Variants in SEMA5A observed in about 807,000 individuals in gnomAD.
The protein encoded by SEMA5A is semaphorin 5A, also known as semaphorin-5A.
A neutral mutation model predicts 135.5 loss-of-function variants in SEMA5A; 55 were observed. The observed-to-expected ratio is 0.41, with a 90% CI of 0.33 to 0.51. SEMA5A has a LOEUF of 0.51. Among genes scored for constraint, SEMA5A ranks in the 20% least tolerant of loss-of-function variants. The pLI is 0.37. For missense variants in SEMA5A, 1,290 were observed against 1,419.9 expected, an observed-to-expected ratio of 0.91 and a Z score of 1.47; for synonymous variants, 580 against 546.5, an observed-to-expected ratio of 1.06 and a Z score of -0.85.
intron 16 of SEMA5A, among the ~76,000 whole-genome samples, chr5:9,076,241 A>G (rs1296422809): frequency 1.3e-5 from 2 of 151,504 alleles, no homozygotes; most frequent in African/African-American, 4.9e-5. Flanking sequence ...TCTTGAAATC[A>G]TGTCATTTGC....
intron 3 of SEMA5A, among the ~76,000 whole-genome samples, chr5:9,354,369 T>C (rs1323773921): frequency 6.6e-6 from 1 of 152,232 alleles, no homozygotes; most frequent in Non-Finnish European, 1.5e-5. Flanking sequence ...GTCTCATTTC[T>C]AATCTTGTTT....
In SEMA5A at chr5:9,441,412, C is replaced by A. The variant is rs189625434; in HGVS notation, c.-174-3560G>T. 2.3e-3 allele frequency among the ~76,000 whole-genome samples: 356 copies of A among 152,132 alleles called. 1 individual carries two copies. The highest frequency in any genetic ancestry group is 7.9e-3 in the African/African-American group (329 of 41,508). On this transcript the variant is annotated intron_variant, in intron 1 of 22. Coordinates refer to ENST00000382496, the MANE Select transcript of SEMA5A (RefSeq NM_003966.3). ...AGATGAGGGAGGAACAGCTGAAAGT[C>A]ATCAGGTATAAGAGAAGAGCCATTT...
chr5:9,355,918 A>G (rs1754422258), intron 3 of SEMA5A, among the ~76,000 whole-genome samples: 1 of 152,206 alleles, frequency 6.6e-6, no homozygotes, highest in African/African-American at 2.4e-5. Flanking sequence ...CAACCTCTAT[A>G]GTTCACTGTA....
Position 9,160,971 on chromosome 5 carries a change from C to G in SEMA5A, c.1274-6276G>C, listed in dbSNP as rs1174703918. ...TGAAAAGGACAAAAAGAAATTACCCCCAAAGAATTCCAGCCACAAGAAATG... is the reference window on the plus strand; with the variant it reads ...TGAAAAGGACAAAAAGAAATTACCCGCAAAGAATTCCAGCCACAAGAAATG... On this transcript the variant is annotated intron_variant, in intron 11 of 22. Transcript: ENST00000382496. Among the ~76,000 whole-genome samples the G allele has an allele frequency of 5.3e-5, 8 of 152,228 alleles. No individual in the cohort carries two copies. The East Asian group carries it at 1.5e-3, about 29-fold the overall frequency.
At chr5:9,045,672 T>C (rs546439683) in intron 21 of SEMA5A, 129 of 152,302 alleles carry the variant, frequency 8.5e-4, no homozygotes, top group Middle Eastern at 3.4e-3. Context: ...AGAAAATGGT[T>C]TACTAAAAAG....
At chr5:9,050,331 T>C in intron 21 of SEMA5A, 79 bp downstream of exon 21, 1 of 1,343,630 alleles carries the variant, frequency 7.4e-7, no homozygotes, top group Non-Finnish European at 1.0e-6. Flanking sequence ...GGCAGAAAAA[T>C]TATAGAAAAC....
chr5:9,056,326 G>A (rs139508679), intron 18 of SEMA5A, among the ~76,000 whole-genome samples: 2 of 152,364 alleles, frequency 1.3e-5, no homozygotes, highest in East Asian at 1.9e-4. Flanking sequence ...CAAAAGATCA[G>A]TGTTGGTGAG....
At chr5:9,533,238 C>A (rs2126341599) in intron 1 of SEMA5A, among the ~76,000 whole-genome samples, 1 of 152,296 alleles carries the variant, frequency 6.6e-6, no homozygotes, top group Admixed American at 6.5e-5. Flanking sequence ...AATAGCCCAG[C>A]TACCCCTCTG....
intron 2 of SEMA5A, among the ~76,000 whole-genome samples, chr5:9,387,866 G>A (rs531689432): frequency 1.8e-4 from 28 of 152,204 alleles, no homozygotes; most frequent in Non-Finnish European, 3.5e-4. Flanking sequence ...GAATCAGGAT[G>A]TTCCACAAAT....
At chr5:9,087,137 C>A (rs1738741702) in intron 16 of SEMA5A, among the ~76,000 whole-genome samples, 1 of 152,156 alleles carries the variant, frequency 6.6e-6, no homozygotes, top group Admixed American at 6.5e-5. Flanking sequence ...TCCTTGCTAC[C>A]AGGTATGGGT....
At chr5:9,362,935 T>C (rs531852910) in intron 3 of SEMA5A, among the ~76,000 whole-genome samples, 36 of 152,218 alleles carry the variant, frequency 2.4e-4, no homozygotes, top group Non-Finnish European at 4.9e-4. Flanking sequence ...ACCTGGCTCC[T>C]AGGGAGTGTT....
Position 9,054,159 on chromosome 5 carries a change from G to A in SEMA5A, c.2617C>T (p.Pro873Ser). The part of the protein sequence containing the change: ...MRTRSCSNPA[P>S]AYGGDICLGL... ...AGGCAGATGTCCCCTCCATAGGCCG[G>A]GGCTGGATTGGAGCAAGAGCGGGTC... The change falls in exon 19 of 23, where the codon CCG becomes TCG. Residue 873 changes from proline (P) to serine (S), a missense_variant. Pro to Ser is a moderately conservative substitution (Grantham distance 74, BLOSUM62 -1). Around this residue, in one of 3 missense-constraint regions of SEMA5A, gnomAD observed 1,029 missense variants for 1,086.6 expected, o/e 0.95. Transcript: ENST00000382496. 1 of 1,613,958 alleles carries A rather than the reference G, an allele frequency of 6.2e-7. No individual in the cohort carries two copies. The highest frequency in any genetic ancestry group is 2.2e-5 in the East Asian group (1 of 44,830).
chr5:9,377,135 A>G (rs1016432593), intron 3 of SEMA5A, among the ~76,000 whole-genome samples: 50 of 152,090 alleles, frequency 3.3e-4, no homozygotes, highest in African/African-American at 1.2e-3. Flanking sequence ...AATGACATCA[A>G]TCTCTACACT....
At chr5:9,328,958 C>T (rs749669975) in intron 4 of SEMA5A, among the ~76,000 whole-genome samples, 11 of 152,118 alleles carry the variant, frequency 7.2e-5, no homozygotes, top group Non-Finnish European at 1.6e-4. Context: ...CCAGCTAATG[C>T]TCAGAGCTTC....
chr5:9,421,701 T>C (rs757352656), intron 2 of SEMA5A, among the ~76,000 whole-genome samples: 2 of 152,182 alleles, frequency 1.3e-5, no homozygotes, highest in African/African-American at 2.4e-5. Context: ...ATCTTTTTTC[T>C]CTCTCTCTTT....
At chr5:9,312,579 C>T (rs1002244576) in intron 5 of SEMA5A, among the ~76,000 whole-genome samples, 1 of 152,086 alleles carries the variant, frequency 6.6e-6, no homozygotes, top group Non-Finnish European at 1.5e-5. Flanking sequence ...CTTCATAGTA[C>T]ATTTGTATGT....
At position 9,352,663 on chromosome 5, in the gene SEMA5A, T is replaced by A. The variant is rs141712923; in HGVS notation, c.125-14851A>T. 2.3e-3 allele frequency among the ~76,000 whole-genome samples: 357 copies of A among 152,384 alleles called. 2 individuals carry two copies. Among genetic ancestry groups the A allele is most frequent in the African/African-American group, 7.9e-3 (329 of 41,590 alleles). ...GTTTATATCCAAATAATATTGTGAA[T>A]TTAGTGAAAGAGGTCATCTTTAACA... is the stretch of plus-strand genomic sequence containing the variant. On this transcript the variant is annotated intron_variant, in intron 3 of 22. Coordinates refer to ENST00000382496, the MANE Select transcript of SEMA5A (RefSeq NM_003966.3).
intron 8 of SEMA5A, among the ~76,000 whole-genome samples, chr5:9,222,895 G>GT (rs1747085175): frequency 6.6e-6 from 1 of 152,162 alleles, no homozygotes; most frequent in Admixed American, 6.5e-5. Context: ...GACCTGAATT[G>GT]TTTTTCCAGG....
At chr5:9,046,848 C>T (rs1468811163) in intron 21 of SEMA5A, among the ~76,000 whole-genome samples, 1 of 152,214 alleles carries the variant, frequency 6.6e-6, no homozygotes, top group Admixed American at 6.5e-5. Context: ...AAACTCACAA[C>T]ACATTCCTGA....
Sources: gnomAD v4.1 joint callset for allele counts (sites outside exome capture counted in the v4.1 genomes callset) on GRCh38, gnomAD v4.1.1 for gene constraint, gnomAD v4.1.1 regional missense constraint, MANE v1.5 for transcripts, NCBI Gene and HGNC (gene_info 2026-07-23, HGNC 2026-07-21) for gene names.